The following ZFP69B variants were observed in gnomAD, a reference collection of about 807,000 sequenced individuals.
ZFP69B encodes the protein zinc finger protein 69 homolog B.
In ZFP69B, 20 loss-of-function variants were observed where a neutral mutation model predicts 19.7. The observed-to-expected ratio is 1.02, with a 90% CI of 0.71 to 1.48. ZFP69B has a LOEUF of 1.48. Among genes scored for constraint, ZFP69B ranks in the 40% most tolerant of loss-of-function variants. The pLI is 0.00. For synonymous variants in ZFP69B, 220 were observed against 222.7 expected (o/e 0.99, Z 0.11); for missense variants, 583 against 632.6 (o/e 0.92, Z 0.84).
intron 4 of ZFP69B, among the ~76,000 whole-genome samples, chr1:40,461,284 TATGA>T (rs1645282509): frequency 6.6e-6 from 1 of 152,170 alleles, no homozygotes; most frequent in Non-Finnish European, 1.5e-5. Context: ...GTGGGAAATG[TATGA>T]ATGGAGACAT....
In ZFP69B at chr1:40,451,884, G is replaced by A. The variant is rs574738279; in HGVS notation, c.127+796G>A. On this transcript the variant is annotated intron_variant, in intron 1 of 4. Transcript: ENST00000361584. Reference sequence around the variant, plus strand: ...CCAGCAATTTGGGAAGCCAAGGTGGGCGGATTGCTTGAGACCAGGAGTTTG... The same window carrying A: ...CCAGCAATTTGGGAAGCCAAGGTGGACGGATTGCTTGAGACCAGGAGTTTG... Among the ~76,000 whole-genome samples, 5 of 152,164 alleles carry A rather than the reference G, an allele frequency of 3.3e-5. No homozygotes were observed. The South Asian group carries it at 1.0e-3, about 31-fold the overall frequency.
At position 40,463,052 on chromosome 1, in the gene ZFP69B, T is replaced by A; in HGVS notation, c.1068T>A (p.Ile356=). Residue 356 remains isoleucine (I), a synonymous_variant, in exon 5 of 5, where the codon ATT becomes ATA. Coordinates refer to ENST00000361584, the MANE Select transcript of ZFP69B (RefSeq NM_023070.3). The part of the protein sequence containing the change: ...HPSSLTQHVR[I]HTGEKPYECR... The stretch of plus-strand genomic sequence containing the variant: ...CATCGCTTACTCAACATGTTAGAAT[T>A]CATACCGGGGAAAAGCCCTATGAAT... 1 of 1,613,904 alleles carries A rather than the reference T, an allele frequency of 6.2e-7. No individual in the cohort carries two copies. Among genetic ancestry groups the A allele is most frequent in the Non-Finnish European group, 8.5e-7 (1 of 1,179,822 alleles).
At chr1:40,454,126 T>G in intron 1 of ZFP69B, 77 bp from the exon 2 acceptor site, 2 of 1,143,666 alleles carry the variant, frequency 1.7e-6, no homozygotes, top group Non-Finnish European at 2.4e-6. Flanking sequence ...GAAGCCACAA[T>G]GAGTGGGTCT....
At chr1:40,454,342 C>T (rs139899050) in intron 2 of ZFP69B, 54 bp downstream of exon 2, 18 of 1,303,454 alleles carry the variant, frequency 1.4e-5, no homozygotes, top group South Asian at 9.3e-5. Context: ...ATTTTAAGAG[C>T]GCAGGAGTTT....
At position 40,462,955 on chromosome 1, in the gene ZFP69B, C is replaced by A. The variant is rs373622720; in HGVS notation, c.971C>A (p.Pro324Gln). The change falls in exon 5 of 5, where the codon CCG (proline) becomes CAG (glutamine). Residue 324 changes from proline to glutamine, a missense_variant. Pro to Gln is a moderately conservative substitution (Grantham distance 76). Coordinates refer to ENST00000361584, the MANE Select transcript of ZFP69B (RefSeq NM_023070.3). Reference sequence around the variant, plus strand: ...TTTAGCCAAAGTTCATCTCTTATTCCGCATCAGAGAATTCATACTGGTGAG... The same window carrying A: ...TTTAGCCAAAGTTCATCTCTTATTCAGCATCAGAGAATTCATACTGGTGAG... ...KAFSQSSSLI[P>Q]HQRIHTGEKP... 32 of 1,613,476 alleles carry A rather than the reference C, an allele frequency of 2.0e-5. No individual in the cohort carries two copies. Among genetic ancestry groups the A allele is most frequent in the Non-Finnish European group, 2.7e-5 (32 of 1,179,910 alleles).
At chr1:40,461,403 G>T (rs548755456) in intron 4 of ZFP69B, among the ~76,000 whole-genome samples, 34 of 152,136 alleles carry the variant, frequency 2.2e-4, no homozygotes, top group African/African-American at 7.7e-4. Flanking sequence ...TTATTTTAGT[G>T]TTTAAAAGTA....
chr1:40,457,345 A>G lies in ZFP69B; in HGVS notation c.342A>G (p.Gly114=). The change falls in exon 4 of 5, where the codon GGA becomes GGG. Residue 114 remains glycine, a splice_region_variant and synonymous_variant. Coordinates refer to ENST00000361584, the MANE Select transcript of ZFP69B (RefSeq NM_023070.3). ...CAGTCTTTTCTTCCCCATAAGCAGG[A>G]TGTCAGCTTTCCAAACCTGGCGTGA... ...LENYGNLVSV[G]CQLSKPGVIS... The G allele has an allele frequency of 6.2e-7, 1 of 1,613,944 alleles. No homozygotes were observed. The highest frequency in any genetic ancestry group is 8.5e-7 in the Non-Finnish European group (1 of 1,179,842).
At chr1:40,452,072 C>T (rs1645192019) in intron 1 of ZFP69B, among the ~76,000 whole-genome samples, 2 of 152,120 alleles carry the variant, frequency 1.3e-5, no homozygotes, top group South Asian at 2.1e-4. Flanking sequence ...TTTCAGTGAG[C>T]TGAGATGGCG....
chr1:40,453,656 T>C (rs1415902672), intron 1 of ZFP69B, among the ~76,000 whole-genome samples: 1 of 152,116 alleles, frequency 6.6e-6, no homozygotes, highest in East Asian at 1.9e-4. Context: ...TGAAGGATAA[T>C]GTTTAGAGGA....
intron 1 of ZFP69B, 76 bp from the exon 2 acceptor site, chr1:40,454,127 G>C: frequency 1.7e-6 from 2 of 1,161,480 alleles, no homozygotes; most frequent in Non-Finnish European, 2.4e-6. Context: ...AAGCCACAAT[G>C]AGTGGGTCTG....
intron 4 of ZFP69B, among the ~76,000 whole-genome samples, chr1:40,457,936 A>G (rs1645249112): frequency 6.6e-6 from 1 of 152,248 alleles, no homozygotes; most frequent in Admixed American, 6.5e-5. Flanking sequence ...TTCATGCCAG[A>G]AAATTTATGG....
chr1:40,454,299 G>T lies in ZFP69B; in HGVS notation c.213+11G>T. The T allele has an allele frequency of 1.3e-6, 2 of 1,552,874 alleles. No homozygotes were observed. Among genetic ancestry groups the T allele is most frequent in the Non-Finnish European group, 1.7e-6 (2 of 1,146,156 alleles). ...ACAGCAGAATCCCAGGTGGGTTGGA[G>T]TTTCTGGTCACTTTCTTGACATTGT... is the stretch of plus-strand genomic sequence containing the variant. On this transcript the variant is annotated intron_variant, in intron 2 of 4. Coordinates refer to ENST00000361584, the MANE Select transcript of ZFP69B (RefSeq NM_023070.3).
Position 40,463,553 on chromosome 1 carries a change from AAC to A in ZFP69B, c.1573_1574del (p.His525PhefsTer31). The A allele has an allele frequency of 6.2e-7, 1 of 1,612,154 alleles. No homozygotes were observed. Among genetic ancestry groups the A allele is most frequent in the South Asian group, 1.1e-5 (1 of 90,792 alleles). On this transcript the variant is annotated frameshift_variant, in exon 5 of 5. Coordinates refer to ENST00000361584, the MANE Select transcript of ZFP69B (RefSeq NM_023070.3). LOFTEE classifies it low-confidence loss of function (END_TRUNC). ...GTTCATCCCTTATTAGACACTGCAA[AAC>A]ACATTTAAGAAATACCTTCAGCAAT... ...CSSSLIRHCK[T>X]HLRNTFSNVV
In ZFP69B at chr1:40,457,091, G is replaced by T; in HGVS notation, c.340+20G>T. On this transcript the variant is annotated intron_variant, in intron 3 of 4. Coordinates refer to ENST00000361584, the MANE Select transcript of ZFP69B (RefSeq NM_023070.3). ...CAGTGGGTAAGGATGGGCTCCTCTTGAAAATAGAACGTACCTATTGGATGA... is the reference window on the plus strand; with the variant it reads ...CAGTGGGTAAGGATGGGCTCCTCTTTAAAATAGAACGTACCTATTGGATGA... 6.3e-7 allele frequency: 1 copy of T among 1,585,216 alleles called. No homozygotes were observed. Among genetic ancestry groups the T allele is most frequent in the East Asian group, 2.2e-5 (1 of 44,738 alleles).
At chr1:40,456,882 C>T (rs906056774) in intron 2 of ZFP69B, 63 bp from the exon 3 acceptor site, 3 of 1,561,838 alleles carry the variant, frequency 1.9e-6, no homozygotes, top group African/African-American at 2.7e-5. Flanking sequence ...CTCTTAGCAT[C>T]TAGACAAAAG....
In ZFP69B at chr1:40,463,077, T is replaced by A; in HGVS notation, c.1093T>A (p.Cys365Ser). ...RIHTGEKPYECRVCEKAFSQS... is the reference protein window; with the variant it reads ...RIHTGEKPYESRVCEKAFSQS... ...TCATACCGGGGAAAAGCCCTATGAATGTAGGGTATGTGAGAAAGCCTTCAG... is the reference window on the plus strand; with the variant it reads ...TCATACCGGGGAAAAGCCCTATGAAAGTAGGGTATGTGAGAAAGCCTTCAG... The change falls in exon 5 of 5, where the codon TGT (cysteine) becomes AGT (serine). Residue 365 changes from cysteine to serine, a missense_variant. Cys to Ser is a moderately radical substitution (Grantham distance 112, BLOSUM62 -1). Coordinates refer to ENST00000361584, the MANE Select transcript of ZFP69B (RefSeq NM_023070.3). The A allele has an allele frequency of 6.2e-7, 1 of 1,614,160 alleles. No individual in the cohort carries two copies. The highest frequency in any genetic ancestry group is 8.5e-7 in the Non-Finnish European group (1 of 1,180,024).
At chr1:40,454,320 A>G in intron 2 of ZFP69B, 32 bp downstream of exon 2, 2 of 1,481,520 alleles carry the variant, frequency 1.3e-6, no homozygotes, top group Non-Finnish European at 1.8e-6. Flanking sequence ...CTTTCTTGAC[A>G]TTGTTTCTCA....
At chr1:40,457,097 AGAACGTACCTAT>A in intron 3 of ZFP69B, 26 bp downstream of exon 3, 1 of 1,582,952 alleles carries the variant, frequency 6.3e-7, no homozygotes, top group Non-Finnish European at 8.6e-7. Context: ...TCTTGAAAAT[AGAACGTACCTAT>A]TGGATGAAAA....
At chr1:40,454,314 C>G in intron 2 of ZFP69B, 26 bp downstream of exon 2, 1 of 1,506,314 alleles carries the variant, frequency 6.6e-7, no homozygotes, top group Non-Finnish European at 9.0e-7. Context: ...TGGTCACTTT[C>G]TTGACATTGT....
Sources: gnomAD v4.1 joint callset for allele counts (sites outside exome capture counted in the v4.1 genomes callset) on GRCh38, gnomAD v4.1.1 for gene constraint, MANE v1.5 for transcripts, NCBI Gene and HGNC (gene_info 2026-07-23, HGNC 2026-07-21) for gene names.